ATXN8OS: variants seen among roughly 807,000 people sequenced by gnomAD.
The protein encoded by ATXN8OS is ATXN8 opposite strand lncRNA.
chr13:70,123,158 T>TA (rs1326007992), intron 2 of ATXN8OS, among the ~76,000 whole-genome samples: 7 of 152,082 alleles, frequency 4.6e-5, no homozygotes, highest in African/African-American at 1.4e-4. Flanking sequence ...GCAAAACTCT[T>TA]AGATTTTGCC....
intron 2 of ATXN8OS, among the ~76,000 whole-genome samples, chr13:70,127,275 T>G (rs1805447808): frequency 6.6e-6 from 1 of 152,038 alleles, no homozygotes; most frequent in African/African-American, 2.4e-5. Flanking sequence ...ATCTAGATCC[T>G]ATTAACTTTG....
At chr13:70,132,398 T>C (rs1231188635) in intron 3 of ATXN8OS, among the ~76,000 whole-genome samples, 1 of 151,370 alleles carries the variant, frequency 6.6e-6, no homozygotes, top group African/African-American at 2.4e-5. Flanking sequence ...AAATACTGCT[T>C]ATAAGGGAGA....
intron 4 of ATXN8OS, among the ~76,000 whole-genome samples, chr13:70,155,339 T>G (rs1015885000): frequency 2.6e-5 from 4 of 152,180 alleles, no homozygotes; most frequent in Non-Finnish European, 1.5e-5. Flanking sequence ...GGCGAGATCT[T>G]TTTTAGGATA....
At chr13:70,148,646 T>C (rs1041183876) in intron 4 of ATXN8OS, among the ~76,000 whole-genome samples, 35 of 152,290 alleles carry the variant, frequency 2.3e-4, no homozygotes, top group African/African-American at 7.5e-4. Flanking sequence ...ATAATATTTT[T>C]ATTTTGTTTT....
chr13:70,171,589 A>G (rs1348575252), exon 5 of ATXN8OS, among the ~76,000 whole-genome samples: 1 of 152,154 alleles, frequency 6.6e-6, no homozygotes, highest in Non-Finnish European at 1.5e-5. Context: ...CAGCTTCATC[A>G]TAATCTTAGG....
chr13:70,139,142 C>T (rs1593768006), intron 3 of ATXN8OS: 5 of 410,070 alleles, frequency 1.2e-5, no homozygotes, highest in Admixed American at 4.2e-5. Flanking sequence ...TGGCTCCAGA[C>T]TAACCATCTT....
At chr13:70,145,320 A>G in intron 3 of ATXN8OS, among the ~76,000 whole-genome samples, 1 of 151,822 alleles carries the variant, frequency 6.6e-6, no homozygotes, top group East Asian at 1.9e-4. Context: ...CTTAGGATTG[A>G]CTTGGTGATA....
intron 4 of ATXN8OS, among the ~76,000 whole-genome samples, chr13:70,153,904 C>A (rs1888905236): frequency 6.6e-6 from 1 of 152,052 alleles, no homozygotes; most frequent in African/African-American, 2.4e-5. Flanking sequence ...CCAAGCTGAT[C>A]TCAAACTCCT....
chr13:70,147,341 C>CT (rs1198895019), intron 3 of ATXN8OS, among the ~76,000 whole-genome samples: 1 of 151,954 alleles, frequency 6.6e-6, no homozygotes. Flanking sequence ...TTGGAATTTT[C>CT]TTTTTTTTCC....
In ATXN8OS at chr13:70,154,301, C is replaced by A. The variant is rs538231783; in HGVS notation, n.573+6873C>A. On this transcript the variant is annotated intron_variant and non_coding_transcript_variant, in intron 4 of 4. Transcript: ENST00000678624. Reference sequence around the variant, plus strand: ...CCTCCTTTGTTTGCTGTTAAAGCTTCGTTTTAAAATTCAGGTTAACATTTC... The same window carrying A: ...CCTCCTTTGTTTGCTGTTAAAGCTTAGTTTTAAAATTCAGGTTAACATTTC... 3.0e-4 allele frequency among the ~76,000 whole-genome samples: 46 copies of A among 152,256 alleles called. No individual in the cohort carries two copies. The South Asian group carries it at 9.5e-3, about 32-fold the overall frequency.
chr13:70,166,553 A>C (rs1889078054), intron 4 of ATXN8OS, among the ~76,000 whole-genome samples: 1 of 152,114 alleles, frequency 6.6e-6, no homozygotes, highest in South Asian at 2.1e-4. Context: ...ACCTAAAACC[A>C]TAAAAACCCT....
At chr13:70,164,297 C>T (rs11618009) in intron 4 of ATXN8OS, among the ~76,000 whole-genome samples, 12,550 of 151,396 alleles carry the variant, frequency 0.083, 669 homozygotes, top group Non-Finnish European at 0.099. Flanking sequence ...TCCTCTCTTT[C>T]ACTCTTTTTA....
intron 2 of ATXN8OS, among the ~76,000 whole-genome samples, chr13:70,121,350 T>G (rs924204443): frequency 2.6e-5 from 4 of 152,018 alleles, no homozygotes; most frequent in African/African-American, 4.8e-5. Context: ...AGAGATAGTG[T>G]TAGAGAGTTT....
intron 4 of ATXN8OS, among the ~76,000 whole-genome samples, chr13:70,168,621 G>T (rs867682590): frequency 6.7e-6 from 1 of 148,218 alleles, no homozygotes; most frequent in East Asian, 2.0e-4. Context: ...GCTCCCAATA[G>T]GAGAGAGAAC....
intron 2 of ATXN8OS, among the ~76,000 whole-genome samples, chr13:70,120,325 CAGTA>C (rs1888340617): frequency 6.6e-6 from 1 of 152,080 alleles, no homozygotes; most frequent in African/African-American, 2.4e-5. Flanking sequence ...AATAGAGAAT[CAGTA>C]AGGAGAAATC....
chr13:70,112,920 A>ATATATATATTTT (rs1555298511), intron 1 of ATXN8OS, among the ~76,000 whole-genome samples: 3 of 87,590 alleles, frequency 3.4e-5, no homozygotes, highest in South Asian at 3.8e-4. Context: ...TATATATATA[A>ATATATATATTTT]TTTTTTTTTT....
intron 3 of ATXN8OS, among the ~76,000 whole-genome samples, chr13:70,145,120 T>G (rs1888764821): frequency 1.3e-5 from 2 of 152,148 alleles, no homozygotes; most frequent in South Asian, 4.1e-4. Context: ...CCTTTCCCTA[T>G]TTCTTGTTTT....
intron 4 of ATXN8OS, among the ~76,000 whole-genome samples, chr13:70,152,200 C>T (rs1042047477): frequency 6.6e-6 from 1 of 151,966 alleles, no homozygotes; most frequent in Non-Finnish European, 1.5e-5. Flanking sequence ...TTCTTTCCAC[C>T]TGGCCAATTT....
At chr13:70,142,565 T>C (rs901527599) in intron 3 of ATXN8OS, among the ~76,000 whole-genome samples, 4 of 152,186 alleles carry the variant, frequency 2.6e-5, no homozygotes, top group Non-Finnish European at 5.9e-5. Flanking sequence ...CAAACTTTCT[T>C]TGTATGTCTA....
Sources: gnomAD v4.1 joint callset for allele counts (sites outside exome capture counted in the v4.1 genomes callset) on GRCh38, gnomAD v4.1.1 for gene constraint, MANE v1.5 for transcripts, NCBI Gene and HGNC (gene_info 2026-07-23, HGNC 2026-07-21) for gene names.